Variants in SLC35F1 observed in about 807,000 individuals in gnomAD.
SLC35F1 encodes the protein chromosome 6 open reading frame 169.
SLC35F1 carries 14 observed loss-of-function variants against 48.7 expected under a neutral mutation model. The ratio of observed to expected loss-of-function variants is 0.29; its 90% confidence interval spans 0.19 to 0.45. The LOEUF (loss-of-function observed/expected upper bound fraction) is 0.45. Ranked by LOEUF, SLC35F1 falls within the 20% of genes least tolerant of loss-of-function variation. The pLI is 1.00. For synonymous variants in SLC35F1, 190 were observed against 202.2 expected (o/e 0.94, Z 0.51); for missense variants, 404 against 500.0 (o/e 0.81, Z 1.83).
At chr6:118,271,300 T>C (rs374034409) in intron 4 of SLC35F1, among the ~76,000 whole-genome samples, 1 of 152,204 alleles carries the variant, frequency 6.6e-6, no homozygotes, top group East Asian at 1.9e-4. Context: ...GATATGAAAT[T>C]TAGCCATTAT....
intron 1 of SLC35F1, among the ~76,000 whole-genome samples, chr6:118,002,498 T>C (rs9398471): frequency 0.65 from 98,273 of 150,642 alleles, 32,149 homozygotes; most frequent in East Asian, 0.81. Flanking sequence ...ATACCTAATG[T>C]TAAATGACGA....
At chr6:118,290,927 T>G (rs1393590331) in intron 7 of SLC35F1, among the ~76,000 whole-genome samples, 1 of 152,032 alleles carries the variant, frequency 6.6e-6, no homozygotes, top group Non-Finnish European at 1.5e-5. Flanking sequence ...CCTAAGTAGC[T>G]GGGACTACAG....
intron 1 of SLC35F1, among the ~76,000 whole-genome samples, chr6:118,092,931 G>A (rs1240115825): frequency 6.6e-6 from 1 of 152,156 alleles, no homozygotes. Context: ...GACTTGCCTT[G>A]TCTCAGATAA....
chr6:118,085,233 A>G (rs919710552), intron 1 of SLC35F1, among the ~76,000 whole-genome samples: 3 of 152,064 alleles, frequency 2.0e-5, no homozygotes, highest in African/African-American at 7.2e-5. Context: ...CCTCTTGTCT[A>G]GGAGTCTCCT....
At chr6:118,242,187 G>T (rs763181220) in intron 3 of SLC35F1, among the ~76,000 whole-genome samples, 19 of 152,192 alleles carry the variant, frequency 1.2e-4, no homozygotes, top group Non-Finnish European at 2.4e-4. Context: ...ATTCCTACCA[G>T]CAATGTATGA....
chr6:117,910,802 T>C (rs1465032429), intron 1 of SLC35F1, among the ~76,000 whole-genome samples: 1 of 152,156 alleles, frequency 6.6e-6, no homozygotes, highest in Non-Finnish European at 1.5e-5. Flanking sequence ...TTGCCTGCCA[T>C]TGGTCACAGT....
rs1776607088 is a variant in SLC35F1 at position 117,969,094 on chromosome 6, C to T, written c.173+61195C>T. On this transcript the variant is annotated intron_variant, in intron 1 of 7. Coordinates refer to ENST00000360388, the MANE Select transcript of SLC35F1 (RefSeq NM_001029858.4). ...TTATCTACCCCATGTGCCTTTTAGT[C>T]TTGGATGGATGTATTTCAGCTCACA... is the stretch of plus-strand genomic sequence containing the variant. Among the ~76,000 whole-genome samples, 6 of 152,108 alleles carry T rather than the reference C, an allele frequency of 3.9e-5. No individual in the cohort carries two copies. In the South Asian group the frequency reaches 1.2e-3, roughly 32 times the overall value.
chr6:118,083,095 G>T (rs1772936130), intron 1 of SLC35F1, among the ~76,000 whole-genome samples: 1 of 152,196 alleles, frequency 6.6e-6, no homozygotes, highest in Non-Finnish European at 1.5e-5. Flanking sequence ...CAAAATTCTA[G>T]TGTTGATTAA....
At chr6:117,998,101 C>T (rs1348919445) in intron 1 of SLC35F1, among the ~76,000 whole-genome samples, 2 of 147,524 alleles carry the variant, frequency 1.4e-5, no homozygotes, top group African/African-American at 5.0e-5. Flanking sequence ...AAATGGAAAA[C>T]AAAAAAAGGC....
chr6:118,191,195 A>G (rs1299822089), intron 2 of SLC35F1, among the ~76,000 whole-genome samples: 1 of 152,154 alleles, frequency 6.6e-6, no homozygotes, highest in Non-Finnish European at 1.5e-5. Flanking sequence ...ATGCGGCGAC[A>G]TATGTACCAT....
At chr6:118,017,065 G>T (rs1042224499) in intron 1 of SLC35F1, among the ~76,000 whole-genome samples, 6 of 152,198 alleles carry the variant, frequency 3.9e-5, no homozygotes, top group Non-Finnish European at 8.8e-5. Context: ...GAATATTTCT[G>T]GAAAAGTTAC....
At chr6:117,940,645 CT>C (rs888354437) in intron 1 of SLC35F1, among the ~76,000 whole-genome samples, 2 of 151,032 alleles carry the variant, frequency 1.3e-5, no homozygotes, top group Middle Eastern at 3.4e-3. Context: ...TTTCTCCTTT[CT>C]TTTTTTTTGT....
intron 7 of SLC35F1, among the ~76,000 whole-genome samples, chr6:118,294,937 A>T (rs1776165621): frequency 6.6e-6 from 1 of 152,222 alleles, no homozygotes; most frequent in Non-Finnish European, 1.5e-5. Flanking sequence ...ATTAGAAAAC[A>T]TTCTGTGTGT....
chr6:118,240,633 T>G (rs571152794), intron 3 of SLC35F1, among the ~76,000 whole-genome samples: 2 of 152,286 alleles, frequency 1.3e-5, no homozygotes, highest in South Asian at 4.1e-4. Flanking sequence ...ATAAACATTC[T>G]GAAGGAAATC....
At chr6:118,169,222 T>A (rs1484906685) in intron 2 of SLC35F1, among the ~76,000 whole-genome samples, 3 of 152,180 alleles carry the variant, frequency 2.0e-5, no homozygotes, top group African/African-American at 4.8e-5. Flanking sequence ...CAATGATCAC[T>A]CCTTTGAAGA....
chr6:117,930,227 C>T lies in SLC35F1; in HGVS notation c.173+22328C>T, dbSNP rs548232961. On this transcript the variant is annotated intron_variant, in intron 1 of 7. Transcript: ENST00000360388. Reference sequence around the variant, plus strand: ...TTATGTCCTCAGGAAGTCCAAGTTACGTGGATCCAGGGGCTAAAAGGATGT... The same window carrying T: ...TTATGTCCTCAGGAAGTCCAAGTTATGTGGATCCAGGGGCTAAAAGGATGT... 4.6e-5 allele frequency among the ~76,000 whole-genome samples: 7 copies of T among 152,286 alleles called. No individual in the cohort carries two copies. In the East Asian group the frequency reaches 5.8e-4, roughly 13 times the overall value.
intron 1 of SLC35F1, among the ~76,000 whole-genome samples, chr6:118,009,828 T>C (rs1160030122): frequency 6.6e-6 from 1 of 152,158 alleles, no homozygotes; most frequent in Non-Finnish European, 1.5e-5. Context: ...CAATCCTGTT[T>C]TCAGATATTT....
At chr6:118,249,163 C>G (rs2114600991) in intron 3 of SLC35F1, among the ~76,000 whole-genome samples, 1 of 152,290 alleles carries the variant, frequency 6.6e-6, no homozygotes, top group Non-Finnish European at 1.5e-5. Context: ...TTACAGCAGC[C>G]TTAATAGACT....
chr6:117,999,040 G>T (rs1053949805), intron 1 of SLC35F1: 7 of 1,469,722 alleles, frequency 4.8e-6, no homozygotes, highest in Non-Finnish European at 6.6e-6. Flanking sequence ...ATGGTATCAA[G>T]AAACCCCGAT....
Sources: allele counts gnomAD v4.1 joint callset (sites outside exome capture counted in the v4.1 genomes callset), GRCh38; gene constraint gnomAD v4.1.1; transcripts MANE v1.5; gene names NCBI Gene and HGNC (gene_info 2026-07-23, HGNC 2026-07-21).